The following ASPH variants were observed in gnomAD, a reference collection of about 807,000 sequenced individuals.
The protein encoded by ASPH is aspartyl/asparaginyl beta-hydroxylase.
A neutral mutation model predicts 118.4 loss-of-function variants in ASPH; 100 were observed. The ratio of observed to expected loss-of-function variants is 0.84; its 90% CI spans 0.72 to 1.00. The LOEUF (loss-of-function observed/expected upper bound fraction) is 1.00, where lower values mean the gene tolerates loss of function less well. ASPH is among the 50% of genes least tolerant of loss of function. The pLI is 0.00. For synonymous variants in ASPH, 315 were observed against 325.6 expected, an observed-to-expected ratio of 0.97 and a Z score of 0.35; for missense variants, 920 against 919.5, an observed-to-expected ratio of 1.00 and a Z score of -0.01.
At chr8:61,681,519 A>C (rs1222114408) in intron 2 of ASPH, among the ~76,000 whole-genome samples, 1 of 151,876 alleles carries the variant, frequency 6.6e-6, no homozygotes, top group African/African-American at 2.4e-5. Context: ...CATAGAATCT[A>C]AGTACTAAAA....
chr8:61,649,105 G>A (rs1198396130), intron 5 of ASPH, among the ~76,000 whole-genome samples: 2 of 152,124 alleles, frequency 1.3e-5, no homozygotes, highest in Non-Finnish European at 2.9e-5. Context: ...GAGCAAGTAT[G>A]GAAACAGGGA....
At chr8:61,650,721 C>A (rs1018090300) in intron 5 of ASPH, among the ~76,000 whole-genome samples, 2 of 152,146 alleles carry the variant, frequency 1.3e-5, no homozygotes, top group African/African-American at 4.8e-5. Flanking sequence ...CCTGGATGAA[C>A]CCGACCGTGG....
At chr8:61,560,502 T>C (rs1238542109) in intron 18 of ASPH, among the ~76,000 whole-genome samples, 1 of 152,126 alleles carries the variant, frequency 6.6e-6, no homozygotes, top group Non-Finnish European at 1.5e-5. Context: ...AAGAAAAACC[T>C]TGGTTAATGA....
rs7838862 is a variant in ASPH, at chr8:61,692,856, C to A, written c.104-8668G>T. Among the ~76,000 whole-genome samples, 534 of 152,050 alleles carry A rather than the reference C, an allele frequency of 3.5e-3. 4 individuals carry two copies. Among genetic ancestry groups the A allele is most frequent in the Middle Eastern group, 0.027 (8 of 294 alleles). ...GGGACCACATACAAAGAATACTATA[C>A]CAGCGGTCCCTAATTCTCAGGGTCT... is the stretch of plus-strand genomic sequence containing the variant. On this transcript the variant is annotated intron_variant, in intron 1 of 24. Coordinates refer to ENST00000379454, the MANE Select transcript of ASPH (RefSeq NM_004318.4).
At chr8:61,539,811 G>A (rs1339013127) in intron 21 of ASPH, among the ~76,000 whole-genome samples, 7 of 147,714 alleles carry the variant, frequency 4.7e-5, no homozygotes, top group African/African-American at 1.8e-4. Context: ...GCTATTGGTT[G>A]TTTATTTTCA....
chr8:61,580,179 G>A (rs894712077), intron 15 of ASPH, among the ~76,000 whole-genome samples: 2 of 152,126 alleles, frequency 1.3e-5, no homozygotes, highest in African/African-American at 4.8e-5. Context: ...GCTTTTCCAG[G>A]CACACAGTAC....
chr8:61,535,069 A>G (rs762812959), intron 21 of ASPH, among the ~76,000 whole-genome samples: 6 of 152,220 alleles, frequency 3.9e-5, no homozygotes, highest in African/African-American at 9.6e-5. Context: ...GACACCAATC[A>G]AATTGGACTA....
At chr8:61,615,099 C>A (rs551038695) in intron 14 of ASPH, among the ~76,000 whole-genome samples, 3 of 152,260 alleles carry the variant, frequency 2.0e-5, no homozygotes, top group African/African-American at 7.2e-5. Context: ...CTTTTGTCTT[C>A]GAAAGCCTAT....
At chr8:61,656,230 G>C (rs15154) in intron 3 of ASPH, 1 of 152,146 alleles carries the variant, frequency 6.6e-6, no homozygotes, top group Non-Finnish European at 1.5e-5. Context: ...TGTCGGTTTC[G>C]ATGTTCCTGG....
At chr8:61,527,172 A>AT (rs1367646425) in intron 21 of ASPH, among the ~76,000 whole-genome samples, 1 of 152,198 alleles carries the variant, frequency 6.6e-6, no homozygotes, top group Non-Finnish European at 1.5e-5. Flanking sequence ...CAAAAAACAG[A>AT]TTTTTATGGA....
intron 10 of ASPH, among the ~76,000 whole-genome samples, chr8:61,639,230 T>C (rs1803912068): frequency 6.6e-6 from 1 of 152,142 alleles, no homozygotes; most frequent in Middle Eastern, 3.2e-3. Flanking sequence ...TACCACTCTT[T>C]CTTAAGCTTG....
intron 14 of ASPH, among the ~76,000 whole-genome samples, chr8:61,604,928 A>C (rs919594165): frequency 6.6e-6 from 1 of 152,194 alleles, no homozygotes; most frequent in African/African-American, 2.4e-5. Context: ...GGCACTATTG[A>C]ATTTTATAAT....
chr8:61,638,389 A>T, intron 10 of ASPH, 26 bp from the exon 11 acceptor site: 1 of 1,528,306 alleles, frequency 6.5e-7, no homozygotes, highest in Non-Finnish European at 8.9e-7. Context: ...CAGAAACAAA[A>T]TCCCGTAACT....
At chr8:61,639,958 A>G (rs148598231) in intron 10 of ASPH, among the ~76,000 whole-genome samples, 220 of 152,130 alleles carry the variant, frequency 1.4e-3, no homozygotes, top group African/African-American at 4.9e-3. Flanking sequence ...AGACCTGCCA[A>G]TTTTACCTTC....
chr8:61,598,378 AC>A (rs1843011861), intron 14 of ASPH, among the ~76,000 whole-genome samples: 2 of 152,218 alleles, frequency 1.3e-5, no homozygotes, highest in African/African-American at 4.8e-5. Context: ...GATAAAACAA[AC>A]TTCACATGAA....
chr8:61,651,267 CAT>C, intron 4 of ASPH, 143 bp from the exon 5 acceptor site: 1 of 602,468 alleles, frequency 1.7e-6, no homozygotes, highest in Non-Finnish European at 2.7e-6. Context: ...TATCAGCTTA[CAT>C]TTTTTTGTTC....
intron 13 of ASPH, chr8:61,625,333 T>C (rs1852364280): frequency 1.0e-6 from 1 of 985,734 alleles, no homozygotes; most frequent in Non-Finnish European, 1.2e-6. Context: ...TCAACCCAGC[T>C]CAAGGCGTTA....
intron 15 of ASPH, chr8:61,578,307 G>C: frequency 1.9e-6 from 3 of 1,599,522 alleles, no homozygotes; most frequent in Non-Finnish European, 2.6e-6. Flanking sequence ...GAGTGGGCCC[G>C]GTGCCCACAT....
At chr8:61,614,734 C>T (rs1848489048) in intron 14 of ASPH, among the ~76,000 whole-genome samples, 4 of 152,132 alleles carry the variant, frequency 2.6e-5, no homozygotes, top group Admixed American at 2.0e-4. Context: ...TCAAGTGATC[C>T]TCCCCTTGGC....
Sources: allele counts gnomAD v4.1 joint callset (sites outside exome capture counted in the v4.1 genomes callset), GRCh38; gene constraint gnomAD v4.1.1; transcripts MANE v1.5; gene names NCBI Gene and HGNC (gene_info 2026-07-23, HGNC 2026-07-21).